The following NUP210L variants were observed in gnomAD, a reference collection of about 807,000 sequenced individuals.
The protein encoded by NUP210L is nuclear pore membrane glycoprotein 210-like.
Under a neutral mutation model 208.5 loss-of-function variants are expected in NUP210L, and 74 were observed. The observed-to-expected ratio is 0.35, with a 90% CI of 0.29 to 0.43. The LOEUF (loss-of-function observed/expected upper bound fraction) is 0.43, where lower values mean the gene tolerates loss of function less well. Among genes scored for constraint, NUP210L ranks in the 20% least tolerant of loss-of-function variants. NUP210L has a pLI of 1.00. For synonymous variants in NUP210L, 780 were observed against 816.9 expected (o/e 0.95, Z 0.77); for missense variants, 1,843 against 2,289.4 (o/e 0.81, Z 3.98).
intron 1 of NUP210L, among the ~76,000 whole-genome samples, chr1:154,154,379 A>G (rs936457678): frequency 3.9e-5 from 6 of 152,208 alleles, no homozygotes; most frequent in Admixed American, 3.9e-4. Flanking sequence ...CTCACATTGA[A>G]TAGCTCATCT....
At chr1:154,006,818 A>ATATATATATATATATATATATATATATG (rs1650553549) in intron 35 of NUP210L, among the ~76,000 whole-genome samples, 1 of 90,362 alleles carries the variant, frequency 1.1e-5, no homozygotes, top group African/African-American at 6.6e-5. Context: ...TTACCATGCC[A>ATATATATATATATATATATATATATATG]TATATATATA....
intron 38 of NUP210L, among the ~76,000 whole-genome samples, chr1:153,994,432 C>T (rs1458052659): frequency 6.6e-6 from 1 of 152,004 alleles, no homozygotes; most frequent in Non-Finnish European, 1.5e-5. Context: ...CTGCCTCAGC[C>T]TCCCGAGTAG....
At chr1:154,129,886 G>T (rs947558305) in intron 7 of NUP210L, among the ~76,000 whole-genome samples, 1 of 152,184 alleles carries the variant, frequency 6.6e-6, no homozygotes, top group African/African-American at 2.4e-5. Context: ...ATACTTCTGG[G>T]TCACTTATAC....
chr1:154,087,960 G>C (rs1655710329), intron 16 of NUP210L, among the ~76,000 whole-genome samples: 2 of 152,126 alleles, frequency 1.3e-5, no homozygotes, highest in African/African-American at 4.8e-5. Context: ...ACTGCTAATG[G>C]GTATGGAGTT....
At chr1:154,040,393 A>G (rs1256256988) in intron 27 of NUP210L, among the ~76,000 whole-genome samples, 1 of 151,946 alleles carries the variant, frequency 6.6e-6, no homozygotes, top group African/African-American at 2.4e-5. Context: ...GAAGAAAAGA[A>G]GAAAAAAGAA....
At chr1:154,022,337 G>C in exon 32 of NUP210L, 1 of 1,612,600 alleles carries the variant, frequency 6.2e-7, no homozygotes, top group Non-Finnish European at 8.5e-7. Context: ...TATGCAGCAA[G>C]TCATCTCTGC....
rs141555940 is a variant in NUP210L, at chr1:154,153,583, T to C, written c.204-711A>G. ...CCCCGGCCTCCCAAAGTGCTGGGAT[T>C]ACAGGCGTGAGCCACTGCGCCCGGC... On this transcript the variant is annotated intron_variant, in intron 1 of 39. Coordinates refer to ENST00000368559, the Ensembl canonical transcript of NUP210L. Among the ~76,000 whole-genome samples the C allele has an allele frequency of 4.5e-3, 682 of 152,308 alleles. 7 individuals are homozygous for C. The highest frequency in any genetic ancestry group is 0.01 in the African/African-American group (433 of 41,572).
intron 38 of NUP210L, 34 bp from the exon 39 acceptor site, chr1:153,993,123 T>G: frequency 6.6e-7 from 1 of 1,526,480 alleles, no homozygotes; most frequent in Non-Finnish European, 9.0e-7. Context: ...ACAAGGCATA[T>G]CTGAGGAAGG....
intron 37 of NUP210L, among the ~76,000 whole-genome samples, chr1:153,998,582 A>G (rs1650031715): frequency 1.3e-5 from 2 of 151,406 alleles, no homozygotes; most frequent in African/African-American, 4.8e-5. Flanking sequence ...GGAAAGAAAA[A>G]GATGCAATTT....
chr1:154,029,969 A>G, exon 28 of NUP210L: 1 of 1,612,630 alleles, frequency 6.2e-7, no homozygotes. Flanking sequence ...CATGCAGTGA[A>G]CAGTGACCTT....
At chr1:154,093,740 C>G (rs2148052275) in intron 15 of NUP210L, among the ~76,000 whole-genome samples, 3 of 152,352 alleles carry the variant, frequency 2.0e-5, no homozygotes, top group Middle Eastern at 6.8e-3. Context: ...TGCTGTTTCA[C>G]AGTCATACCT....
intron 10 of NUP210L, among the ~76,000 whole-genome samples, chr1:154,125,882 C>G (rs1657934736): frequency 6.8e-6 from 1 of 147,090 alleles, no homozygotes; most frequent in Admixed American, 7.0e-5. Flanking sequence ...ATTCTCCTGC[C>G]TCAGCCTCCC....
At chr1:154,011,262 C>T (rs1443806469) in intron 34 of NUP210L, among the ~76,000 whole-genome samples, 1 of 136,780 alleles carries the variant, frequency 7.3e-6, no homozygotes, top group South Asian at 2.3e-4. Context: ...CTTGCTTTGT[C>T]GCCCAGGCCA....
chr1:154,017,706 G>T (rs565631327), intron 33 of NUP210L, among the ~76,000 whole-genome samples: 2 of 151,530 alleles, frequency 1.3e-5, no homozygotes, highest in Non-Finnish European at 1.5e-5. Flanking sequence ...TAGTAGAGAC[G>T]GGGTTTCACC....
chr1:154,047,270 C>T (rs113736570), intron 25 of NUP210L, among the ~76,000 whole-genome samples: 116 of 151,880 alleles, frequency 7.6e-4, no homozygotes, highest in African/African-American at 2.2e-3. Context: ...GTCTGTAACA[C>T]AGAAAGGATA....
intron 17 of NUP210L, among the ~76,000 whole-genome samples, chr1:154,062,988 G>A (rs895186486): frequency 1.3e-5 from 2 of 152,032 alleles, no homozygotes; most frequent in Admixed American, 6.6e-5. Context: ...GCAGTTTCTT[G>A]TGATGCCACA....
In NUP210L at chr1:154,057,023, G is replaced by C. The variant is rs1023355488; in HGVS notation, c.3108-76C>G. Reference sequence around the variant, plus strand: ...AGACAGGGTCTTACTCTGTCGCCCAGGCTGGAGTGCAGTGGCATGATCTCA... The same window carrying C: ...AGACAGGGTCTTACTCTGTCGCCCACGCTGGAGTGCAGTGGCATGATCTCA... On this transcript the variant is annotated intron_variant, in intron 22 of 39. Coordinates refer to ENST00000368559, the Ensembl canonical transcript of NUP210L. 5 of 1,460,408 alleles carry C rather than the reference G, an allele frequency of 3.4e-6. No homozygotes were observed. The African/African-American group carries it at 7.1e-5, about 21-fold the overall frequency. The allele number at this position is 1,460,408 out of a possible 1,614,324, so 90.5% of individuals were successfully genotyped here. A position where few individuals can be genotyped will look rare whatever the true frequency, so the allele number is the denominator to read the frequency against.
intron 32 of NUP210L, among the ~76,000 whole-genome samples, chr1:154,020,530 A>G (rs1387108111): frequency 1.3e-5 from 2 of 151,504 alleles, no homozygotes; most frequent in Non-Finnish European, 2.9e-5. Context: ...AATTATTACT[A>G]TTATTATTAT....
intron 9 of NUP210L, among the ~76,000 whole-genome samples, 194 bp from the exon 10 acceptor site, chr1:154,126,657 A>C (rs770683507): frequency 2.6e-5 from 4 of 152,228 alleles, no homozygotes; most frequent in Non-Finnish European, 5.9e-5. Context: ...TTTTTGAAAG[A>C]TCTATCAATG....
Sources: gnomAD v4.1 joint callset for allele counts (sites outside exome capture counted in the v4.1 genomes callset) on GRCh38, gnomAD v4.1.1 for gene constraint, MANE v1.5 for transcripts, NCBI Gene and HGNC (gene_info 2026-07-23, HGNC 2026-07-21) for gene names.